Variants in PDZD4 observed in about 807,000 individuals in gnomAD.
PDZD4 encodes the protein PDZ domain containing 4.
A neutral mutation model predicts 38.5 loss-of-function variants in PDZD4; 9 were observed. The ratio of observed to expected loss-of-function variants is 0.23; its 90% CI spans 0.14 to 0.41. The LOEUF is 0.41. PDZD4 is among the 10% of genes least tolerant of loss of function. The pLI is 1.00. For missense variants in PDZD4, 612 were observed against 722.0 expected, an observed-to-expected ratio of 0.85 and a Z score of 1.75; for synonymous variants, 349 against 315.7, an observed-to-expected ratio of 1.11 and a Z score of -1.12.
chrX:153,813,246 A>T (rs1557079138), intron 1 of PDZD4, among the ~76,000 whole-genome samples: 1 of 112,279 alleles, frequency 8.9e-6, no homozygotes, highest in Non-Finnish European at 1.9e-5. Flanking sequence ...CTTACAATGC[A>T]TGGACCTCAT....
intron 1 of PDZD4, among the ~76,000 whole-genome samples, chrX:153,820,760 C>T (rs1479220844): frequency 9.0e-6 from 1 of 111,685 alleles, no homozygotes; most frequent in African/African-American, 3.3e-5. Context: ...ACAAGAGCAC[C>T]TTGCAGGAGA....
rs1557075897 is a variant in PDZD4, at chrX:153,804,193, G to A, written c.1488C>T (p.Ser496=). 6 of 1,197,807 alleles carry A rather than the reference G, an allele frequency of 5.0e-6. No individual in the cohort carries two copies. Among genetic ancestry groups the A allele is most frequent in the Middle Eastern group, 2.6e-4 (1 of 3,853 alleles). Residue 496 remains serine, a synonymous_variant, in exon 8 of 8, where the codon AGC becomes AGT. Coordinates refer to ENST00000393758, the MANE Select transcript of PDZD4 (RefSeq NM_001303512.2). ...TGCCGGCCATGGCCCGCCGCAGGGG[G>A]CTCTCGGGCAGGGGCTCCACAAGCA... ...TPLLVEPLPE[S]PLRRAMAGNS... is the part of the protein sequence containing the mutation.
At chrX:153,828,103 T>C (rs1388045404) in intron 1 of PDZD4, among the ~76,000 whole-genome samples, 1 of 111,278 alleles carries the variant, frequency 9.0e-6, no homozygotes, top group Non-Finnish European at 1.9e-5. Flanking sequence ...CCCCTAAAGA[T>C]GGGGGAGCAC....
intron 1 of PDZD4, among the ~76,000 whole-genome samples, chrX:153,819,247 A>G (rs1220363551): frequency 8.9e-6 from 1 of 112,645 alleles, no homozygotes; most frequent in Non-Finnish European, 1.9e-5. Flanking sequence ...CTCTGTTTCC[A>G]GGCTCTGCCC....
At chrX:153,829,900 G>C in intron 1 of PDZD4, 1 of 812,664 alleles carries the variant, frequency 1.2e-6, no homozygotes, top group Non-Finnish European at 1.5e-6. Flanking sequence ...CCCGCACGGC[G>C]GGAGCCTGGC....
At chrX:153,828,914 G>T (rs2064510438) in intron 1 of PDZD4, among the ~76,000 whole-genome samples, 1 of 112,127 alleles carries the variant, frequency 8.9e-6, no homozygotes, top group African/African-American at 3.2e-5. Flanking sequence ...CTAGGGGGCT[G>T]GCAATGGCCA....
chrX:153,819,349 A>G (rs1489736489), intron 1 of PDZD4, among the ~76,000 whole-genome samples: 3 of 113,045 alleles, frequency 2.7e-5, no homozygotes. Context: ...GAAGCCGAGA[A>G]GAGAGGCCGG....
chrX:153,830,212 C>G (rs781868839), intron 1 of PDZD4, 27 bp downstream of exon 1: 111 of 1,182,508 alleles, frequency 9.4e-5, no homozygotes, highest in Non-Finnish European at 1.1e-4. Context: ...GAGGGCCGCG[C>G]CCCCGCCGCA....
At chrX:153,816,044 C>T (rs998164877) in intron 1 of PDZD4, among the ~76,000 whole-genome samples, 2 of 99,158 alleles carry the variant, frequency 2.0e-5, no homozygotes, top group Non-Finnish European at 4.1e-5. Context: ...GGCAGGATCC[C>T]GGGTTGCGCT....
intron 1 of PDZD4, among the ~76,000 whole-genome samples, chrX:153,818,555 C>A (rs1341233797): frequency 9.0e-6 from 1 of 111,388 alleles, no homozygotes; most frequent in Non-Finnish European, 1.9e-5. Flanking sequence ...CAAGGAGAGT[C>A]CTGGGGCACC....
intron 1 of PDZD4, among the ~76,000 whole-genome samples, chrX:153,821,467 AAAAAC>A (rs2064422714): frequency 9.1e-6 from 1 of 110,204 alleles, no homozygotes; most frequent in Admixed American, 9.6e-5. Flanking sequence ...TGTAAAAAAA[AAAAAC>A]AAAACAAACA....
At chrX:153,805,683 C>G (rs1164508887) in intron 5 of PDZD4, 77 bp from the exon 6 acceptor site, 1 of 835,456 alleles carries the variant, frequency 1.2e-6, no homozygotes, top group Non-Finnish European at 1.8e-6. Flanking sequence ...GCAGGGAGCC[C>G]AAGCACTCTG....
chrX:153,821,610 C>T (rs781918895), intron 1 of PDZD4, among the ~76,000 whole-genome samples: 2 of 111,454 alleles, frequency 1.8e-5, no homozygotes, highest in South Asian at 7.5e-4. Context: ...CACCTGGGAG[C>T]TTGTGAGAAG....
rs1289195108 is a variant in PDZD4 at position 153,807,246 on chromosome X, G to A, written c.405+33C>T. ...AGGCGTCGGGGCGGCTCCCGCAGCT[G>A]GCTGCGGGCCCTGGCCTGGCCACCC... On this transcript the variant is annotated intron_variant, in intron 3 of 7. Transcript: ENST00000393758. 3.4e-6 allele frequency: 4 copies of A among 1,188,666 alleles called. No individual in the cohort carries two copies. The East Asian group carries it at 1.2e-4, about 35-fold the overall frequency.
chrX:153,817,408 C>T (rs1193652540), intron 1 of PDZD4, among the ~76,000 whole-genome samples: 2 of 111,748 alleles, frequency 1.8e-5, no homozygotes, highest in Non-Finnish European at 3.8e-5. Context: ...AATGGATGAG[C>T]GAGCACAACA....
rs1557075662 is a variant in PDZD4, at chrX:153,803,970, G to A, written c.1711C>T (p.Pro571Ser). The change falls in exon 8 of 8, where the codon CCT becomes TCT. Residue 571 changes from proline (P) to serine (S), a missense_variant. Physicochemically the swap from Pro to Ser is moderately conservative, Grantham distance 74 (BLOSUM62 -1). Around this residue, in one of 3 missense-constraint regions of PDZD4, gnomAD observed 300 missense variants for 284.6 expected, o/e 1.05. Transcript: ENST00000393758. ...CCGCGGTGGCGCCGCGAGAGGTAAG[G>A]GCTGCTTTCAGGGCCCACACGCTCC... Reference protein sequence around the residue: ...TLERVGPESSPYLSRRHRGQG... With the variant: ...TLERVGPESSSYLSRRHRGQG... The A allele has an allele frequency of 7.7e-6, 9 of 1,162,038 alleles. No individual in the cohort carries two copies. Among genetic ancestry groups the A allele is most frequent in the South Asian group, 1.9e-5 (1 of 52,189 alleles).
intron 1 of PDZD4, among the ~76,000 whole-genome samples, chrX:153,824,630 C>T (rs782552313): frequency 1.8e-5 from 2 of 111,649 alleles, no homozygotes; most frequent in African/African-American, 6.5e-5. Context: ...CTGCCAGCCA[C>T]GCTCCCGCAC....
At chrX:153,822,999 T>C (rs1361440261) in intron 1 of PDZD4, among the ~76,000 whole-genome samples, 1 of 111,363 alleles carries the variant, frequency 9.0e-6, no homozygotes, top group Non-Finnish European at 1.9e-5. Flanking sequence ...GGGCATTAAC[T>C]GTGACATACC....
rs782153581 is a variant in PDZD4, at chrX:153,803,017, G to GGT, written c.*334_*335dup. 5 of 178,198 alleles carry GGT rather than the reference G, an allele frequency of 2.8e-5. No individual in the cohort carries two copies. Among genetic ancestry groups the GGT allele is most frequent in the Non-Finnish European group, 4.2e-5 (4 of 95,020 alleles). The allele number at this position is 178,198 out of a possible 1,213,427, so 14.7% of individuals were successfully genotyped here. On this transcript the variant is annotated 3_prime_UTR_variant, in exon 8 of 8. Transcript: ENST00000393758. ...CACGGGTCGGGTGGAGAGAGCACTG[G>GGT]GTGTGTGTGTGCGTGCACGTGCAAG...
Sources: allele counts gnomAD v4.1 joint callset (sites outside exome capture counted in the v4.1 genomes callset), GRCh38; gene constraint gnomAD v4.1.1; regional missense constraint gnomAD v4.1.1; transcripts MANE v1.5; gene names NCBI Gene and HGNC (gene_info 2026-07-23, HGNC 2026-07-21).